The following MANSC1 variants were observed in gnomAD, a reference collection of about 807,000 sequenced individuals.
The protein encoded by MANSC1 is MANSC domain-containing protein 1.
Under a neutral mutation model 14.1 loss-of-function variants are expected in MANSC1, and 13 were observed. The observed-to-expected ratio is 0.92, with a 90% CI of 0.60 to 1.46. The LOEUF is 1.46. Ranked by LOEUF, MANSC1 falls within the 40% of genes most tolerant of loss-of-function variation. MANSC1 has a pLI of 0.00. For missense variants in MANSC1, 486 were observed against 511.4 expected (o/e 0.95, Z 0.48); for synonymous variants, 227 against 200.7 (o/e 1.13, Z -1.11).
chr12:12,340,741 T>C (rs1164247544), intron 2 of MANSC1, among the ~76,000 whole-genome samples: 3 of 152,182 alleles, frequency 2.0e-5, no homozygotes, highest in African/African-American at 4.8e-5. Context: ...TTTCTTAGAA[T>C]TGAGGAGCAG....
intron 1 of MANSC1, among the ~76,000 whole-genome samples, chr12:12,348,715 A>C: frequency 2.4e-5 from 2 of 82,056 alleles, no homozygotes; most frequent in East Asian, 4.8e-4. Flanking sequence ...AAAAGGTAAA[A>C]CCAAAAAAAA....
At chr12:12,342,576 G>GTTTTTTTTTTTTT (rs869141097) in intron 2 of MANSC1, among the ~76,000 whole-genome samples, 1 of 103,982 alleles carries the variant, frequency 9.6e-6, no homozygotes, top group Non-Finnish European at 1.9e-5. Flanking sequence ...AGTAGTCAGT[G>GTTTTTTTTTTTTT]TTTTTTTGTT....
At chr12:12,332,361 T>C (rs1483550204) in intron 3 of MANSC1, among the ~76,000 whole-genome samples, 1 of 152,152 alleles carries the variant, frequency 6.6e-6, no homozygotes, top group Non-Finnish European at 1.5e-5. Flanking sequence ...TCGTGACTAC[T>C]CTCTAAGCCT....
In MANSC1 at chr12:12,330,864, T is replaced by C. The variant is rs764187374; in HGVS notation, c.459A>G (p.Leu153=). 2 of 1,613,938 alleles carry C rather than the reference T, an allele frequency of 1.2e-6. No individual in the cohort carries two copies. The highest frequency in any genetic ancestry group is 2.7e-5 in the African/African-American group (2 of 74,934). Residue 153 remains leucine, a synonymous_variant, in exon 4 of 4, where the codon CTA becomes CTG. Transcript: ENST00000535902. ...TTGAATAATCTGTGTGATGATGGGC[T>C]AGGGGAGTGACTGCTTGTGAAAATT... The part of the protein sequence containing the change: ...HGQFSQAVTP[L]AHHHTDYSKP...
rs759881826 is a variant in MANSC1, at chr12:12,330,391, G to A, written c.932C>T (p.Thr311Met). The A allele has an allele frequency of 1.1e-4, 174 of 1,614,070 alleles. 1 individual carries two copies. The highest frequency in any genetic ancestry group is 5.5e-4 in the South Asian group (50 of 91,092). ...GGTTTCTAAGCTGCCTTTCGAGTCC[G>A]TAGGTGCCTGAAAGGTGGTAGTCAG... Reference protein sequence around the residue: ...AVLTTTFQAPTDSKGSLETIP... With the variant: ...AVLTTTFQAPMDSKGSLETIP... Residue 311 changes from threonine (T) to methionine (M), a missense_variant, in exon 4 of 4, where the codon ACG (threonine) becomes ATG (methionine). By Grantham distance (81) the Thr-to-Met change is moderately conservative. Coordinates refer to ENST00000535902, the MANE Select transcript of MANSC1 (RefSeq NM_018050.4).
In MANSC1 at chr12:12,326,525, C is replaced by T. The variant is rs911310864; in HGVS notation, c.*3502G>A. On this transcript the variant is annotated 3_prime_UTR_variant, in exon 4 of 4. Coordinates refer to ENST00000535902, the MANE Select transcript of MANSC1 (RefSeq NM_018050.4). ...GCCAAAGAGTTCCAAAAGTTCCTCA[C>T]TCAGGCCAGGGGTAATTGAGAAACA... The T allele has an allele frequency of 3.3e-5, 5 of 152,228 alleles. No individual in the cohort carries two copies. The highest frequency in any genetic ancestry group is 7.3e-5 in the Non-Finnish European group (5 of 68,072). The allele number at this position is 152,228 out of a possible 1,614,324, so 9.4% of individuals were successfully genotyped here. A position where few individuals can be genotyped will look rare whatever the true frequency, so the allele number is the denominator to read the frequency against.
intron 3 of MANSC1, among the ~76,000 whole-genome samples, chr12:12,333,141 G>A (rs1862814497): frequency 6.6e-6 from 1 of 151,912 alleles, no homozygotes; most frequent in South Asian, 2.1e-4. Flanking sequence ...CAACCTCCTG[G>A]GTTCAAGCAA....
chr12:12,346,062 A>G lies in MANSC1; in HGVS notation c.-100-2648T>C, dbSNP rs532451587. On this transcript the variant is annotated intron_variant, in intron 1 of 3. Transcript: ENST00000535902. ...GCCGAGGCAGGCAGATCATGAGGTC[A>G]GGAGATCACAACCATCCTGGCTAAC... Among the ~76,000 whole-genome samples, 349 of 152,338 alleles carry G rather than the reference A, an allele frequency of 2.3e-3. 2 individuals are homozygous for G. Among genetic ancestry groups the G allele is most frequent in the African/African-American group, 8.1e-3 (335 of 41,576 alleles).
rs550281105 is a variant in MANSC1 at position 12,330,631 on chromosome 12, G to A, written c.692C>T (p.Ala231Val). Reference sequence around the variant, plus strand: ...CGAGGTGGTATGTGGAGAAGCAACTGCCACCGTAGCTGGGAGCGCACTCAC... The same window carrying A: ...CGAGGTGGTATGTGGAGAAGCAACTACCACCGTAGCTGGGAGCGCACTCAC... ...ENVSALPATV[A>V]VASPHTTSAT... Residue 231 changes from alanine to valine, a missense_variant, in exon 4 of 4, where the codon GCA (alanine) becomes GTA (valine). Transcript: ENST00000535902. 92 of 1,614,178 alleles carry A rather than the reference G, an allele frequency of 5.7e-5. No homozygotes were observed. In the South Asian group the frequency reaches 9.4e-4, roughly 17 times the overall value.
At chr12:12,332,530 ATT>A (rs1308194775) in intron 3 of MANSC1, among the ~76,000 whole-genome samples, 1 of 151,898 alleles carries the variant, frequency 6.6e-6, no homozygotes, top group African/African-American at 2.4e-5. Context: ...TAAAATTTTT[ATT>A]TGTTTTGAGA....
intron 1 of MANSC1, among the ~76,000 whole-genome samples, chr12:12,344,475 CTTT>C (rs201589688): frequency 3.5e-5 from 5 of 142,028 alleles, no homozygotes; most frequent in Admixed American, 7.1e-5. Context: ...CAGCCTATAT[CTTT>C]TTTTTTTTTT....
chr12:12,349,704 C>T (rs1482945274), intron 1 of MANSC1, among the ~76,000 whole-genome samples: 4 of 152,242 alleles, frequency 2.6e-5, no homozygotes, highest in African/African-American at 9.6e-5. Flanking sequence ...CACACACACA[C>T]TCTACAGAGA....
intron 3 of MANSC1, among the ~76,000 whole-genome samples, chr12:12,337,532 T>G (rs148455965): frequency 0.01 from 1,515 of 151,196 alleles, 25 homozygotes; most frequent in African/African-American, 0.035. Flanking sequence ...CTGCACTCCA[T>G]CCTGGGCAAC....
intron 1 of MANSC1, among the ~76,000 whole-genome samples, chr12:12,349,522 T>C (rs776352766): frequency 2.5e-4 from 38 of 152,194 alleles, no homozygotes; most frequent in Non-Finnish European, 5.4e-4. Flanking sequence ...GAAGTCGAGT[T>C]GAATCTTGTT....
Position 12,330,532 on chromosome 12 carries a change from A to G in MANSC1, c.791T>C (p.Leu264Pro). The stretch of plus-strand genomic sequence containing the variant: ...GGTTACAGGTGGAGCTGTGGTGGCC[A>G]GCTGTGGCTGGGAAGTCCCAGAAGG... ...VTPSGTSQPQ[L>P]ATTAPPVTTV... Residue 264 changes from leucine to proline, a missense_variant, in exon 4 of 4, where the codon CTG becomes CCG. Physicochemically the swap from Leu to Pro is moderately conservative, Grantham distance 98 (BLOSUM62 -3). Coordinates refer to ENST00000535902, the MANE Select transcript of MANSC1 (RefSeq NM_018050.4). 1 of 1,614,250 alleles carries G rather than the reference A, an allele frequency of 6.2e-7. No homozygotes were observed. Among genetic ancestry groups the G allele is most frequent in the Non-Finnish European group, 8.5e-7 (1 of 1,180,052 alleles).
Position 12,337,797 on chromosome 12 carries a change from AT to A in MANSC1, c.364+622del, listed in dbSNP as rs140790504. On this transcript the variant is annotated intron_variant, in intron 3 of 3. Coordinates refer to ENST00000535902, the MANE Select transcript of MANSC1 (RefSeq NM_018050.4). ...AAAACATATCCCAGGAATTATATTA[AT>A]TTTTTTGCTATTTATTTTCCATTCT... Among the ~76,000 whole-genome samples the A allele has an allele frequency of 2.2e-3, 335 of 152,254 alleles. 1 individual carries two copies. In the Middle Eastern group the frequency reaches 0.027, roughly 12 times the overall value.
intron 1 of MANSC1, among the ~76,000 whole-genome samples, chr12:12,344,495 C>T (rs1421202472): frequency 2.7e-5 from 4 of 147,522 alleles, no homozygotes; most frequent in East Asian, 2.0e-4. Flanking sequence ...TTTTTTGAGA[C>T]AGAGTATTGC....
At chr12:12,335,853 T>TA (rs1048884588) in intron 3 of MANSC1, among the ~76,000 whole-genome samples, 5 of 148,290 alleles carry the variant, frequency 3.4e-5, no homozygotes, top group African/African-American at 1.2e-4. Flanking sequence ...AAAAAAAAAA[T>TA]AAAAATAAAA....
intron 1 of MANSC1, among the ~76,000 whole-genome samples, chr12:12,345,174 G>A (rs1862994638): frequency 6.7e-6 from 1 of 149,938 alleles, no homozygotes; most frequent in Non-Finnish European, 1.5e-5. Context: ...ACAAAAATTA[G>A]TTGGGTGTGA....
Sources: gnomAD v4.1 joint callset for allele counts (sites outside exome capture counted in the v4.1 genomes callset) on GRCh38, gnomAD v4.1.1 for gene constraint, MANE v1.5 for transcripts, NCBI Gene and HGNC (gene_info 2026-07-23, HGNC 2026-07-21) for gene names.